LRRC7: variants seen among roughly 807,000 people sequenced by gnomAD.
The protein encoded by LRRC7 is leucine rich repeat containing 7.
A neutral mutation model predicts 175.7 loss-of-function variants in LRRC7; 23 were observed. That is an observed-to-expected ratio of 0.13 (90% CI 0.09 to 0.19). LRRC7 has a LOEUF of 0.19. LRRC7 is among the 10% of genes least tolerant of loss of function. The pLI, the probability that LRRC7 is intolerant of heterozygous loss-of-function variation, is 1.00. For missense variants in LRRC7, 1,354 were observed against 1,904.7 expected, an observed-to-expected ratio of 0.71 and a Z score of 5.38; for synonymous variants, 685 against 680.9, an observed-to-expected ratio of 1.01 and a Z score of -0.09.
At chr1:69,855,243 G>C (rs1683460627) in intron 7 of LRRC7, among the ~76,000 whole-genome samples, 1 of 152,114 alleles carries the variant, frequency 6.6e-6, no homozygotes, top group Admixed American at 6.6e-5. Flanking sequence ...GATCTTTCCT[G>C]CTTTGTCTTG....
rs1277228625 is a variant in LRRC7, at chr1:70,127,606, C to T, written c.*5719C>T. ...TTCCCAGTTGGGTTCTGAGCTCATG[C>T]TCTTTGTAACAACACACTGAGCACT... On this transcript the variant is annotated 3_prime_UTR_variant, in exon 27 of 27. Coordinates refer to ENST00000651989, the MANE Select transcript of LRRC7 (RefSeq NM_001370785.2). Among the ~76,000 whole-genome samples the T allele has an allele frequency of 6.6e-6, 1 of 152,160 alleles. No homozygotes were observed. Among genetic ancestry groups the T allele is most frequent in the Non-Finnish European group, 1.5e-5 (1 of 68,042 alleles).
intron 23 of LRRC7, among the ~76,000 whole-genome samples, chr1:70,065,780 C>T (rs1661928973): frequency 6.6e-6 from 1 of 151,780 alleles, no homozygotes; most frequent in Admixed American, 6.6e-5. Context: ...GTATTTAGTC[C>T]GTTATTGTAT....
chr1:70,075,152 TC>T (rs1347492396), intron 23 of LRRC7, among the ~76,000 whole-genome samples: 2 of 152,210 alleles, frequency 1.3e-5, no homozygotes, highest in Non-Finnish European at 2.9e-5. Flanking sequence ...TTAAAATTAT[TC>T]ATGATCAGCA....
chr1:69,682,878 A>G (rs1227505414), intron 2 of LRRC7, among the ~76,000 whole-genome samples: 1 of 152,108 alleles, frequency 6.6e-6, no homozygotes, highest in Non-Finnish European at 1.5e-5. Flanking sequence ...GCCATTATAT[A>G]TTAGAATTTT....
chr1:69,983,903 C>G (rs373183072), intron 9 of LRRC7, among the ~76,000 whole-genome samples: 1 of 152,054 alleles, frequency 6.6e-6, no homozygotes, highest in African/African-American at 2.4e-5. Flanking sequence ...GATTCTGATT[C>G]AGCAGATCTG....
At chr1:69,648,679 G>T (rs800926) in intron 1 of LRRC7, among the ~76,000 whole-genome samples, 2,628 of 152,284 alleles carry the variant, frequency 0.017, 72 homozygotes, top group African/African-American at 0.06. Flanking sequence ...TCAGAAACAT[G>T]CCTCTTCCTG....
chr1:69,782,315 A>T (rs948385472), intron 3 of LRRC7, among the ~76,000 whole-genome samples: 3 of 152,226 alleles, frequency 2.0e-5, no homozygotes, highest in African/African-American at 7.2e-5. Flanking sequence ...GAACTGGAGA[A>T]ACTACACTAC....
intron 1 of LRRC7, among the ~76,000 whole-genome samples, chr1:69,644,925 C>T (rs1445860984): frequency 6.6e-6 from 1 of 151,890 alleles, no homozygotes; most frequent in South Asian, 2.1e-4. Context: ...AATTAAATAA[C>T]CTTTAGTCAT....
intron 1 of LRRC7, among the ~76,000 whole-genome samples, chr1:69,631,739 T>G (rs776813764): frequency 1.3e-5 from 2 of 152,102 alleles, no homozygotes; most frequent in Non-Finnish European, 2.9e-5. Flanking sequence ...TGTTTAGGCT[T>G]CTTCTACCAC....
At position 69,830,252 on chromosome 1, in the gene LRRC7, A is replaced by C. The variant is rs534290355; in HGVS notation, c.500+4426A>C. Among the ~76,000 whole-genome samples, 94 of 151,960 alleles carry C rather than the reference A, an allele frequency of 6.2e-4. 1 individual carries two copies. The South Asian group carries it at 0.018, about 29-fold the overall frequency. ...AGAAATTACTAGTAAATTACAGTAC[A>C]TCTATGGGGTGGATATGAAAGTTAT... On this transcript the variant is annotated intron_variant, in intron 5 of 26. Transcript: ENST00000651989.
At chr1:69,899,263 T>A (rs1352465636) in intron 7 of LRRC7, among the ~76,000 whole-genome samples, 2 of 152,192 alleles carry the variant, frequency 1.3e-5, no homozygotes, top group Non-Finnish European at 2.9e-5. Flanking sequence ...TGATGATGTT[T>A]CATGGAATTG....
intron 1 of LRRC7, among the ~76,000 whole-genome samples, chr1:69,670,507 C>T (rs992404111): frequency 6.6e-6 from 1 of 152,148 alleles, no homozygotes; most frequent in Non-Finnish European, 1.5e-5. Flanking sequence ...TAACCACTCT[C>T]TGGCTACCAC....
At chr1:69,747,116 C>T (rs1194741999) in intron 2 of LRRC7, among the ~76,000 whole-genome samples, 1 of 152,142 alleles carries the variant, frequency 6.6e-6, no homozygotes, top group Non-Finnish European at 1.5e-5. Flanking sequence ...TAACCAATTA[C>T]ATCTGCAACA....
At chr1:69,633,506 G>A (rs1325604706) in intron 1 of LRRC7, among the ~76,000 whole-genome samples, 5 of 151,984 alleles carry the variant, frequency 3.3e-5, no homozygotes, top group Non-Finnish European at 5.9e-5. Flanking sequence ...TCAACTCACT[G>A]CAACCTCTGC....
chr1:69,629,238 A>G lies in LRRC7; in HGVS notation c.3-49143A>G, dbSNP rs367889183. On this transcript the variant is annotated intron_variant, in intron 1 of 26. Transcript: ENST00000651989. ...GAGAAAAGGCTGTTATCCAAGATGT[A>G]CAACTATTAATATTCAACATAAGAA... Among the ~76,000 whole-genome samples, 6 of 152,192 alleles carry G rather than the reference A, an allele frequency of 3.9e-5. No individual in the cohort carries two copies. In the East Asian group the frequency reaches 1.2e-3, roughly 29 times the overall value.
chr1:69,919,850 G>T (rs1005087398), intron 7 of LRRC7: 1 of 685,514 alleles, frequency 1.5e-6, no homozygotes, highest in Admixed American at 2.5e-5. Flanking sequence ...AGGATTGGGG[G>T]CCCAGGCCTG....
At chr1:69,667,667 G>C (rs1366063011) in intron 1 of LRRC7, among the ~76,000 whole-genome samples, 1 of 151,886 alleles carries the variant, frequency 6.6e-6, no homozygotes, top group African/African-American at 2.4e-5. Context: ...TCTTTTTTCT[G>C]TCCCTTTATT....
chr1:69,888,897 T>C (rs1645745457), intron 7 of LRRC7, among the ~76,000 whole-genome samples: 1 of 151,806 alleles, frequency 6.6e-6, no homozygotes, highest in African/African-American at 2.4e-5. Flanking sequence ...GCTAAGAGAG[T>C]GGATCTTAAG....
intron 1 of LRRC7, among the ~76,000 whole-genome samples, chr1:69,592,854 T>G (rs2100964524): frequency 6.6e-6 from 1 of 152,130 alleles, no homozygotes; most frequent in Middle Eastern, 3.4e-3. Flanking sequence ...GGAAGATGAG[T>G]AATTTTCCCC....
Sources: allele counts gnomAD v4.1 joint callset (sites outside exome capture counted in the v4.1 genomes callset), GRCh38; gene constraint gnomAD v4.1.1; transcripts MANE v1.5; gene names NCBI Gene and HGNC (gene_info 2026-07-23, HGNC 2026-07-21).